Variants in ANO3 observed in about 807,000 individuals in gnomAD.
ANO3 encodes anoctamin 3.
A neutral mutation model predicts 144.8 loss-of-function variants in ANO3; 99 were observed. The ratio of observed to expected loss-of-function variants is 0.68; its 90% CI spans 0.58 to 0.81. ANO3 has a LOEUF of 0.81. Among genes scored for constraint, ANO3 ranks in the 30% least tolerant of loss-of-function variants. The probability of loss-of-function intolerance (pLI) is 0.00; values close to 1 mark genes in which losing one functional copy is unlikely to be tolerated. For missense variants in ANO3, 905 were observed against 1,202.2 expected, an observed-to-expected ratio of 0.75 and a Z score of 3.66; for synonymous variants, 414 against 392.6, an observed-to-expected ratio of 1.05 and a Z score of -0.64.
chr11:26,525,716 T>G (rs750791750), intron 7 of ANO3, 37 bp downstream of exon 7: 2 of 1,557,650 alleles, frequency 1.3e-6, no homozygotes, highest in East Asian at 4.6e-5. Context: ...ATAACAAATT[T>G]GTCGTTTTGA....
chr11:26,391,570 A>G (rs1030583319), intron 1 of ANO3, among the ~76,000 whole-genome samples: 4 of 151,800 alleles, frequency 2.6e-5, no homozygotes, highest in Non-Finnish European at 5.9e-5. Context: ...TACACTTTCT[A>G]GTTTTGGCAA....
At position 26,476,893 on chromosome 11, in the gene ANO3, GTGTGTGTGTA is replaced by G. The variant is rs200882908; in HGVS notation, c.432+13755_432+13764del. The stretch of plus-strand genomic sequence containing the variant: ...GGCTAGAAAGCTGTTATAATTTTGT[GTGTGTGTGTA>G]TGTGTGTGTGTGTGTGTGTGTGTGT... On this transcript the variant is annotated intron_variant, in intron 4 of 26. Transcript: ENST00000256737. Among the ~76,000 whole-genome samples, 1,234 of 135,990 alleles carry G rather than the reference GTGTGTGTGTA, an allele frequency of 9.1e-3. 15 individuals carry two copies. The highest frequency in any genetic ancestry group is 0.031 in the African/African-American group (1,154 of 37,460). The allele number at this position is 135,990 out of a possible 152,430, so 89.2% of individuals were successfully genotyped here.
At chr11:26,194,141 C>CCAGAAGG (rs1564911809) in intron 1 of ANO3, among the ~76,000 whole-genome samples, 88 of 152,270 alleles carry the variant, frequency 5.8e-4, no homozygotes, top group African/African-American at 2.0e-3. Flanking sequence ...GGTGAGGTCA[C>CCAGAAGG]TTATTATAAT....
At chr11:26,342,982 G>T (rs1437179211) in intron 1 of ANO3, among the ~76,000 whole-genome samples, 1 of 151,992 alleles carries the variant, frequency 6.6e-6, no homozygotes, top group Non-Finnish European at 1.5e-5. Context: ...CACATAATTT[G>T]CAATGAGAAT....
chr11:26,380,059 C>T (rs1856547861), intron 1 of ANO3, among the ~76,000 whole-genome samples: 1 of 152,114 alleles, frequency 6.6e-6, no homozygotes, highest in Non-Finnish European at 1.5e-5. Flanking sequence ...GACTGATAAG[C>T]ATCATTCTTG....
At chr11:26,314,881 C>G (rs74749466) in intron 1 of ANO3, among the ~76,000 whole-genome samples, 1 of 152,118 alleles carries the variant, frequency 6.6e-6, no homozygotes, top group South Asian at 2.1e-4. Context: ...TCTGGGTAAT[C>G]TAATCAACCT....
chr11:26,543,357 G>A (rs1480922159), intron 11 of ANO3, among the ~76,000 whole-genome samples: 1 of 151,994 alleles, frequency 6.6e-6, no homozygotes, highest in Non-Finnish European at 1.5e-5. Context: ...AGCTTATAGA[G>A]TCCATAGAGG....
At chr11:26,408,719 C>T (rs927587932) in intron 1 of ANO3, among the ~76,000 whole-genome samples, 3 of 150,818 alleles carry the variant, frequency 2.0e-5, no homozygotes, top group African/African-American at 7.3e-5. Context: ...AGACTTGGAA[C>T]CAACCCAAAT....
chr11:26,529,630 T>G (rs1849314911), intron 7 of ANO3, among the ~76,000 whole-genome samples: 1 of 149,460 alleles, frequency 6.7e-6, no homozygotes, highest in Non-Finnish European at 1.5e-5. Flanking sequence ...GAAAATATTC[T>G]ATCCTGCTAT....
At chr11:26,294,934 C>T (rs1192199597) in intron 1 of ANO3, among the ~76,000 whole-genome samples, 1 of 151,778 alleles carries the variant, frequency 6.6e-6, no homozygotes, top group African/African-American at 2.4e-5. Context: ...GAGTCTTTCT[C>T]CCTTGCCAGG....
At chr11:26,214,814 C>T (rs780036744) in intron 1 of ANO3, among the ~76,000 whole-genome samples, 25 of 151,844 alleles carry the variant, frequency 1.6e-4, no homozygotes, top group Non-Finnish European at 3.1e-4. Context: ...TTTCAGGATC[C>T]CATCCAATAC....
At chr11:26,544,273 T>TATATATATTATATATATACAC in intron 11 of ANO3, among the ~76,000 whole-genome samples, 1 of 58,544 alleles carries the variant, frequency 1.7e-5, no homozygotes, top group Non-Finnish European at 3.6e-5. Context: ...TATATATATA[T>TATATATATTATATATATACAC]ACACACATAC....
chr11:26,566,928 C>T, intron 14 of ANO3: 1 of 852,772 alleles, frequency 1.2e-6, no homozygotes, highest in African/African-American at 1.8e-5. Context: ...GCACTCTAAA[C>T]AAGATCTAGC....
intron 1 of ANO3, among the ~76,000 whole-genome samples, chr11:26,342,881 G>GTA (rs1244890981): frequency 6.6e-6 from 1 of 151,900 alleles, no homozygotes; most frequent in Non-Finnish European, 1.5e-5. Context: ...AATAAGGATT[G>GTA]TATATATATT....
At chr11:26,656,878 A>C (rs1853705822) in intron 26 of ANO3, among the ~76,000 whole-genome samples, 1 of 152,150 alleles carries the variant, frequency 6.6e-6, no homozygotes, top group Non-Finnish European at 1.5e-5. Flanking sequence ...ATTACAGTTG[A>C]TCACTTATAT....
chr11:26,572,241 C>T, intron 14 of ANO3: 1 of 985,332 alleles, frequency 1.0e-6, no homozygotes, highest in African/African-American at 1.7e-5. Context: ...ACCTGACTGA[C>T]CTGCTTCTCA....
At chr11:26,556,440 C>T (rs12282977) in intron 13 of ANO3, among the ~76,000 whole-genome samples, 6,931 of 151,510 alleles carry the variant, frequency 0.046, 267 homozygotes, top group Admixed American at 0.094. Context: ...AGGAGAGAAG[C>T]TGTTCTTTTC....
At chr11:26,650,847 T>C (rs1853509201) in intron 24 of ANO3, among the ~76,000 whole-genome samples, 1 of 152,202 alleles carries the variant, frequency 6.6e-6, no homozygotes, top group Non-Finnish European at 1.5e-5. Context: ...GAGCAAACTT[T>C]TTTCCAACAT....
At chr11:26,409,996 T>C (rs1590336611) in intron 1 of ANO3, among the ~76,000 whole-genome samples, 1 of 151,952 alleles carries the variant, frequency 6.6e-6, no homozygotes. Context: ...ATTATTTTTC[T>C]CCACCCTGCC....
Sources: allele counts gnomAD v4.1 joint callset (sites outside exome capture counted in the v4.1 genomes callset), GRCh38; gene constraint gnomAD v4.1.1; transcripts MANE v1.5; gene names NCBI Gene and HGNC (gene_info 2026-07-23, HGNC 2026-07-21).